AUTS2: variants seen among roughly 807,000 people sequenced by gnomAD.
AUTS2 encodes the protein activator of transcription and developmental regulator AUTS2.
Under a neutral mutation model 112.4 loss-of-function variants are expected in AUTS2, and 17 were observed. That is an observed-to-expected ratio of 0.15 (90% CI 0.10 to 0.23). The LOEUF (loss-of-function observed/expected upper bound fraction) is 0.23. Among genes scored for constraint, AUTS2 ranks in the 10% least tolerant of loss-of-function variants. The probability of loss-of-function intolerance (pLI) is 1.00; values close to 1 mark genes in which losing one functional copy is unlikely to be tolerated. For missense variants in AUTS2, 1,510 were observed against 1,701.6 expected (o/e 0.89, Z 1.98); for synonymous variants, 751 against 702.7 (o/e 1.07, Z -1.09).
In AUTS2 at chr7:70,784,955, A is replaced by G. The variant is rs1473459869; in HGVS notation, c.2160A>G (p.Pro720=). 8.1e-6 allele frequency: 13 copies of G among 1,614,022 alleles called. No homozygotes were observed. The highest frequency in any genetic ancestry group is 1.1e-5 in the Non-Finnish European group (13 of 1,180,034). Reference sequence around the variant, plus strand: ...TTGACTTAACAGGTGCTGCACACCCAACTGGGACCCCTTTTGGGCCACCTC... The same window carrying G: ...TTGACTTAACAGGTGCTGCACACCCGACTGGGACCCCTTTTGGGCCACCTC... ...TLFSAAGAAH[P]TGTPFGPPPH... Residue 720 remains proline (P), a synonymous_variant, in exon 16 of 19, where the codon CCA becomes CCG. Coordinates refer to ENST00000342771, the MANE Select transcript of AUTS2 (RefSeq NM_015570.4).
intron 3 of AUTS2, among the ~76,000 whole-genome samples, chr7:70,126,106 C>T (rs994214144): frequency 6.6e-6 from 1 of 152,158 alleles, no homozygotes; most frequent in East Asian, 1.9e-4. Flanking sequence ...TAATTTGACT[C>T]ATGCGTAAAG....
chr7:69,924,828 G>A (rs1795945333), intron 2 of AUTS2, among the ~76,000 whole-genome samples: 1 of 152,170 alleles, frequency 6.6e-6, no homozygotes, highest in South Asian at 2.1e-4. Flanking sequence ...TGGGATTACA[G>A]GCATGAGCCA....
chr7:70,227,967 C>T (rs1811853007), intron 4 of AUTS2, among the ~76,000 whole-genome samples: 1 of 151,852 alleles, frequency 6.6e-6, no homozygotes, highest in Non-Finnish European at 1.5e-5. Flanking sequence ...CTACTATATT[C>T]TTGTTGGTTT....
intron 1 of AUTS2, among the ~76,000 whole-genome samples, chr7:69,878,941 G>A (rs1793920424): frequency 6.6e-6 from 1 of 152,176 alleles, no homozygotes; most frequent in African/African-American, 2.4e-5. Context: ...TGTTCTTACA[G>A]CTGAGGGCCC....
In AUTS2 at chr7:70,125,245, ATGTGTG is replaced by A. The variant is rs59747508; in HGVS notation, c.624+7048_624+7053del. On this transcript the variant is annotated intron_variant, in intron 3 of 18. Coordinates refer to ENST00000342771, the MANE Select transcript of AUTS2 (RefSeq NM_015570.4). ...TGGGATACAATTTTGTTATTTGGAG[ATGTGTG>A]TGTGTGTGTGTGTGTGTGTGTGTGT... Among the ~76,000 whole-genome samples the A allele has an allele frequency of 8.8e-3, 1,273 of 144,900 alleles. 6 individuals carry two copies. Among genetic ancestry groups the A allele is most frequent in the African/African-American group, 0.014 (542 of 39,570 alleles).
intron 2 of AUTS2, among the ~76,000 whole-genome samples, chr7:69,990,019 A>G (rs746065943): frequency 3.9e-5 from 6 of 152,200 alleles, no homozygotes; most frequent in South Asian, 2.1e-4. Context: ...ATTGTGTTCC[A>G]TGAAACCGGT....
At chr7:70,455,741 C>G (rs1796712061) in intron 5 of AUTS2, among the ~76,000 whole-genome samples, 1 of 152,114 alleles carries the variant, frequency 6.6e-6, no homozygotes, top group African/African-American at 2.4e-5. Flanking sequence ...GAGCTGTGAT[C>G]ATGCCACTGC....
chr7:69,844,101 A>G (rs530616919), intron 1 of AUTS2, among the ~76,000 whole-genome samples: 1 of 152,308 alleles, frequency 6.6e-6, no homozygotes, highest in Admixed American at 6.5e-5. Context: ...ACTGAAGATG[A>G]TAAAGCTGAA....
At chr7:70,001,380 C>A (rs1799184657) in intron 2 of AUTS2, among the ~76,000 whole-genome samples, 1 of 152,228 alleles carries the variant, frequency 6.6e-6, no homozygotes, top group South Asian at 2.1e-4. Flanking sequence ...CCCTCCTTGG[C>A]CTCCCAAAAT....
At chr7:70,093,767 A>C (rs1040497795) in intron 2 of AUTS2, among the ~76,000 whole-genome samples, 1 of 152,226 alleles carries the variant, frequency 6.6e-6, no homozygotes, top group African/African-American at 2.4e-5. Context: ...TGGAACATGT[A>C]AGCTGTTTAT....
chr7:69,735,887 C>T (rs967548725), intron 1 of AUTS2, among the ~76,000 whole-genome samples: 1 of 152,190 alleles, frequency 6.6e-6, no homozygotes, highest in African/African-American at 2.4e-5. Context: ...ACATTCAGTG[C>T]TGAATGAGAT....
chr7:70,741,062 C>T (rs546814340), intron 6 of AUTS2, among the ~76,000 whole-genome samples: 2 of 151,630 alleles, frequency 1.3e-5, no homozygotes, highest in South Asian at 4.2e-4. Context: ...CCACCACACT[C>T]CAGCCTGGGT....
At chr7:69,912,227 T>C (rs1395026247) in intron 2 of AUTS2, among the ~76,000 whole-genome samples, 1 of 152,176 alleles carries the variant, frequency 6.6e-6, no homozygotes, top group Non-Finnish European at 1.5e-5. Flanking sequence ...AAGCCAGGTA[T>C]GGGGAGAGGC....
Position 70,785,026 on chromosome 7 carries a change from C to T in AUTS2, c.2224+7C>T, listed in dbSNP as rs750910836. 137 of 1,613,856 alleles carry T rather than the reference C, an allele frequency of 8.5e-5. No homozygotes were observed. Among genetic ancestry groups the T allele is most frequent in the Non-Finnish European group, 1.0e-4 (123 of 1,179,896 alleles). On this transcript the variant is annotated splice_region_variant and intron_variant, in intron 16 of 18. Transcript: ENST00000342771. ...AACCCTGCTGCCCACCTAGGTGAGT[C>T]GCCCAAAATAATGGGAACTGAGATG...
chr7:70,004,809 CTTTATTTA>C lies in AUTS2; in HGVS notation c.522+105336_522+105343del, dbSNP rs35522970. Among the ~76,000 whole-genome samples the C allele has an allele frequency of 4.0e-3, 600 of 149,442 alleles. 10 individuals are homozygous for C. The highest frequency in any genetic ancestry group is 0.014 in the Middle Eastern group (4 of 292). On this transcript the variant is annotated intron_variant, in intron 2 of 18. Transcript: ENST00000342771. ...GTGGAGTCTACACATGAATTAATGA[CTTTATTTA>C]TTTATTTATTTATTTATTTATTTAG... is the stretch of plus-strand genomic sequence containing the variant.
chr7:70,457,815 T>A (rs1796806083), intron 5 of AUTS2, among the ~76,000 whole-genome samples: 1 of 152,182 alleles, frequency 6.6e-6, no homozygotes, highest in African/African-American at 2.4e-5. Context: ...AGTCTTTCTC[T>A]GATGATTAAA....
chr7:69,858,477 C>A (rs764742524), intron 1 of AUTS2, among the ~76,000 whole-genome samples: 4 of 152,182 alleles, frequency 2.6e-5, no homozygotes, highest in Non-Finnish European at 4.4e-5. Context: ...AGAGGTTGGA[C>A]TTAATGCCCT....
At chr7:70,023,404 AC>A (rs1009240315) in intron 2 of AUTS2, among the ~76,000 whole-genome samples, 1 of 152,020 alleles carries the variant, frequency 6.6e-6, no homozygotes, top group Non-Finnish European at 1.5e-5. Flanking sequence ...GGTCTGTGCT[AC>A]TCTATATAAT....
In AUTS2 at chr7:69,914,668, T is replaced by A. The variant is rs2129542189; in HGVS notation, c.522+15170T>A. ...CCATAGCCTTCCATCTTTTTAGAGG[T>A]AATCCAAAAGAGACTAGACAAGCAG... On this transcript the variant is annotated intron_variant, in intron 2 of 18. Coordinates refer to ENST00000342771, the MANE Select transcript of AUTS2 (RefSeq NM_015570.4). Among the ~76,000 whole-genome samples, 2 of 151,288 alleles carry A rather than the reference T, an allele frequency of 1.3e-5. 1 individual carries two copies. Among genetic ancestry groups the A allele is most frequent in the Admixed American group, 1.3e-4 (2 of 15,176 alleles).
Sources: allele counts gnomAD v4.1 joint callset (sites outside exome capture counted in the v4.1 genomes callset), GRCh38; gene constraint gnomAD v4.1.1; transcripts MANE v1.5; gene names NCBI Gene and HGNC (gene_info 2026-07-23, HGNC 2026-07-21).